Variants in NKAIN3 observed in about 807,000 individuals in gnomAD.
NKAIN3 encodes sodium/potassium-transporting ATPase subunit beta-1-interacting protein 3.
NKAIN3 carries 25 observed loss-of-function variants against 30.2 expected under a neutral mutation model. The ratio of observed to expected loss-of-function variants is 0.83; its 90% CI spans 0.60 to 1.16. The LOEUF is 1.16. NKAIN3 is among the 50% of genes most tolerant of loss of function. NKAIN3 has a pLI of 0.00. For missense variants in NKAIN3, 225 were observed against 254.1 expected (o/e 0.89, Z 0.78); for synonymous variants, 91 against 89.6 (o/e 1.02, Z -0.09).
In NKAIN3 at chr8:62,888,986, C is replaced by T. The variant is rs545180823; in HGVS notation, c.472-29467C>T. On this transcript the variant is annotated intron_variant, in intron 4 of 6. Coordinates refer to ENST00000623646, the MANE Select transcript of NKAIN3 (RefSeq NM_001304533.3). ...TATTTTCAATTTTTAGCAAAAGTTT[C>T]TTAGACAAATGCTGTGTGTCAGCAA... 2.2e-4 allele frequency among the ~76,000 whole-genome samples: 34 copies of T among 152,224 alleles called. No individual in the cohort carries two copies. The Middle Eastern group carries it at 0.01, about 46-fold the overall frequency.
At chr8:62,668,838 A>G (rs1209580122) in intron 3 of NKAIN3, among the ~76,000 whole-genome samples, 1 of 152,228 alleles carries the variant, frequency 6.6e-6, no homozygotes, top group Non-Finnish European at 1.5e-5. Context: ...TAGTCATTAT[A>G]ACTAATTGTC....
chr8:62,371,641 T>C (rs1816911397), intron 1 of NKAIN3, among the ~76,000 whole-genome samples: 1 of 151,970 alleles, frequency 6.6e-6, no homozygotes, highest in South Asian at 2.1e-4. Flanking sequence ...TTTGTAATAA[T>C]TTCATTTAAT....
intron 1 of NKAIN3, among the ~76,000 whole-genome samples, chr8:62,330,003 A>C (rs1449813582): frequency 6.6e-6 from 1 of 152,080 alleles, no homozygotes; most frequent in African/African-American, 2.4e-5. Context: ...CAGCACCTAG[A>C]TGCAGCACCT....
chr8:62,929,027 AAGAGGACATGTAG>A (rs1404767511), intron 5 of NKAIN3, among the ~76,000 whole-genome samples: 4 of 152,186 alleles, frequency 2.6e-5, no homozygotes, highest in African/African-American at 9.7e-5. Context: ...TCTCTCTGAG[AAGAGGACATGTAG>A]GCTAACACCT....
chr8:62,994,772 T>A (rs150548145), intron 5 of NKAIN3, among the ~76,000 whole-genome samples: 1 of 152,284 alleles, frequency 6.6e-6, no homozygotes, highest in East Asian at 1.9e-4. Context: ...TCAGGTGTCA[T>A]CTTAGGAAAA....
chr8:62,438,417 C>T (rs1346133265), intron 1 of NKAIN3, among the ~76,000 whole-genome samples: 5 of 152,084 alleles, frequency 3.3e-5, no homozygotes, highest in African/African-American at 1.2e-4. Context: ...CACTGTGAGC[C>T]CCACTCACCC....
chr8:62,727,215 CAT>C (rs1435797517), intron 3 of NKAIN3, among the ~76,000 whole-genome samples: 2 of 152,164 alleles, frequency 1.3e-5, no homozygotes, highest in East Asian at 3.9e-4. Flanking sequence ...TTAATAAAAA[CAT>C]GTACAAAAAC....
Position 62,965,845 on chromosome 8 carries a change from C to T in NKAIN3, c.*438C>T, listed in dbSNP as rs527487159. 1 of 984,664 alleles carries T rather than the reference C, an allele frequency of 1.0e-6. No individual in the cohort carries two copies. Among genetic ancestry groups the T allele is most frequent in the South Asian group, 4.7e-5 (1 of 21,272 alleles). The allele number at this position is 984,664 out of a possible 1,614,324, so 61.0% of individuals were successfully genotyped here. A position where few individuals can be genotyped will look rare whatever the true frequency, so the allele number is the denominator to read the frequency against. On this transcript the variant is annotated 3_prime_UTR_variant, in exon 7 of 7. Coordinates refer to ENST00000623646, the MANE Select transcript of NKAIN3 (RefSeq NM_001304533.3). The stretch of plus-strand genomic sequence containing the variant: ...GCAGACATTACCTGTGGTTATCAGC[C>T]ACCAAGGTAGACCCTGTGACAGCTG...
chr8:62,825,568 A>G (rs1046589047), intron 4 of NKAIN3, among the ~76,000 whole-genome samples: 8 of 152,108 alleles, frequency 5.3e-5, no homozygotes, highest in African/African-American at 1.9e-4. Context: ...ATGCATAGCT[A>G]TATTTAAACC....
intron 4 of NKAIN3, among the ~76,000 whole-genome samples, chr8:62,851,980 T>C (rs577350220): frequency 6.6e-6 from 1 of 152,242 alleles, no homozygotes. Context: ...TAAAATGAGT[T>C]AGGGAGGATT....
At chr8:62,579,871 A>G (rs932705874) in intron 2 of NKAIN3, among the ~76,000 whole-genome samples, 195 bp downstream of exon 2, 17 of 152,308 alleles carry the variant, frequency 1.1e-4, no homozygotes, top group Non-Finnish European at 1.9e-4. Flanking sequence ...TCAGATCAAA[A>G]CAACATGCTC....
rs190286045 is a variant in NKAIN3 at position 62,364,815 on chromosome 8, C to A, written c.54+115688C>A. Among the ~76,000 whole-genome samples, 3 of 89,238 alleles carry A rather than the reference C, an allele frequency of 3.4e-5. No homozygotes were observed. The South Asian group carries it at 1.4e-3, about 42-fold the overall frequency. The allele number at this position is 89,238 out of a possible 152,430, so 58.5% of individuals were successfully genotyped here. A position where few individuals can be genotyped will look rare whatever the true frequency, so the allele number is the denominator to read the frequency against. On this transcript the variant is annotated intron_variant, in intron 1 of 6. Coordinates refer to ENST00000623646, the MANE Select transcript of NKAIN3 (RefSeq NM_001304533.3). Reference sequence around the variant, plus strand: ...CTGCACTCCAGCCTGTGTGACAGAGCGAGACTCCACTACAAAAAAAAAAAA... The same window carrying A: ...CTGCACTCCAGCCTGTGTGACAGAGAGAGACTCCACTACAAAAAAAAAAAA...
At chr8:62,410,900 A>G (rs1804217539) in intron 1 of NKAIN3, among the ~76,000 whole-genome samples, 1 of 152,210 alleles carries the variant, frequency 6.6e-6, no homozygotes, top group Non-Finnish European at 1.5e-5. Context: ...AAAATCAGTG[A>G]AACTGCCAAC....
chr8:62,292,020 T>G (rs1266472432), intron 1 of NKAIN3, among the ~76,000 whole-genome samples: 2 of 152,226 alleles, frequency 1.3e-5, no homozygotes, highest in Non-Finnish European at 2.9e-5. Context: ...TGATCTTTGT[T>G]GGTTTAAAGT....
At chr8:62,546,614 G>A (rs912947152) in intron 1 of NKAIN3, among the ~76,000 whole-genome samples, 2 of 152,090 alleles carry the variant, frequency 1.3e-5, no homozygotes, top group South Asian at 2.1e-4. Context: ...CACTGTTTTG[G>A]TGTCTTCATC....
At chr8:62,506,244 A>G (rs942683813) in intron 1 of NKAIN3, among the ~76,000 whole-genome samples, 1 of 143,684 alleles carries the variant, frequency 7.0e-6, no homozygotes, top group African/African-American at 2.6e-5. Flanking sequence ...GGGGGACATT[A>G]TTTCACCTGC....
intron 4 of NKAIN3, among the ~76,000 whole-genome samples, chr8:62,843,121 C>T (rs74304903): frequency 0.011 from 1,676 of 151,750 alleles, 30 homozygotes; most frequent in Admixed American, 0.042. Context: ...AAGAGAGAGG[C>T]AGTAGAATGA....
chr8:62,985,467 G>A (rs943460700), downstream of NKAIN3, among the ~76,000 whole-genome samples: 4 of 152,066 alleles, frequency 2.6e-5, no homozygotes, highest in Non-Finnish European at 4.4e-5. Context: ...TGCTCCCAAG[G>A]AGATCTGCCC....
intron 4 of NKAIN3, among the ~76,000 whole-genome samples, chr8:62,794,092 T>G (rs1817781838): frequency 6.6e-6 from 1 of 152,176 alleles, no homozygotes; most frequent in Admixed American, 6.6e-5. Context: ...TTAGAATAGG[T>G]GAGCTGCAGT....
Sources: allele counts gnomAD v4.1 joint callset (sites outside exome capture counted in the v4.1 genomes callset), GRCh38; gene constraint gnomAD v4.1.1; transcripts MANE v1.5; gene names NCBI Gene and HGNC (gene_info 2026-07-23, HGNC 2026-07-21).